Variants in LOXL1 observed in about 807,000 individuals in gnomAD.
LOXL1 encodes the protein lysyl oxidase like 1, also known as lysyl oxidase homolog 1.
In LOXL1, 31 loss-of-function variants were observed where a neutral mutation model predicts 62.2. The ratio of observed to expected loss-of-function variants is 0.50; its 90% CI spans 0.37 to 0.67. LOXL1 has a LOEUF of 0.67. LOXL1 is among the 30% of genes least tolerant of loss of function. The probability of loss-of-function intolerance (pLI) is 0.00; values close to 1 mark genes in which losing one functional copy is unlikely to be tolerated. For synonymous variants in LOXL1, 403 were observed against 384.4 expected, an observed-to-expected ratio of 1.05 and a Z score of -0.56; for missense variants, 775 against 843.4, an observed-to-expected ratio of 0.92 and a Z score of 1.00.
At chr15:73,928,554 T>C (rs2068609907) in intron 1 of LOXL1, among the ~76,000 whole-genome samples, 1 of 146,636 alleles carries the variant, frequency 6.8e-6, no homozygotes, top group Non-Finnish European at 1.5e-5. Context: ...AACACAGTAG[T>C]TGAGATGAGT....
In LOXL1 at chr15:73,927,807, C is replaced by A. The variant is rs1194900649; in HGVS notation, c.1024C>A (p.Pro342Thr). ...LPVRSSDTPP[P>T]GGERNGAQQG... ...GGTGCGCAGCTCCGACACGCCCCCG[C>A]CGGGTGGGGAGCGGAACGGCGCGCA... The change falls in exon 1 of 7, where the codon CCG becomes ACG. Residue 342 changes from proline to threonine, a missense_variant. Pro to Thr is a conservative substitution (Grantham distance 38, BLOSUM62 -1). Transcript: ENST00000261921. 8.7e-6 allele frequency: 12 copies of A among 1,372,202 alleles called. No individual in the cohort carries two copies. The highest frequency in any genetic ancestry group is 1.1e-5 in the Non-Finnish European group (12 of 1,071,558). The allele number at this position is 1,372,202 out of a possible 1,614,324, so 85.0% of individuals were successfully genotyped here.
chr15:73,938,355 A>G (rs906145181), intron 1 of LOXL1, among the ~76,000 whole-genome samples: 4 of 151,212 alleles, frequency 2.6e-5, no homozygotes, highest in South Asian at 4.2e-4. Context: ...TAGAAGGGAC[A>G]TAGAGGATGC....
At position 73,926,914 on chromosome 15, in the gene LOXL1, A is replaced by G. The variant is rs1197671288; in HGVS notation, c.131A>G (p.Gln44Arg). Residue 44 changes from glutamine to arginine, a missense_variant, in exon 1 of 7, where the codon CAG becomes CGG. Physicochemically the swap from Gln to Arg is conservative, Grantham distance 43. Transcript: ENST00000261921. ...CCCGCCCGCTGGCGGCAGCTGATCCAGTGGGAGAACAACGGGCAGGTGTAC... is the reference window on the plus strand; with the variant it reads ...CCCGCCCGCTGGCGGCAGCTGATCCGGTGGGAGAACAACGGGCAGGTGTAC... ...SDPARWRQLIQWENNGQVYSL... is the reference protein window; with the variant it reads ...SDPARWRQLIRWENNGQVYSL... The G allele has an allele frequency of 2.5e-6, 4 of 1,570,294 alleles. No individual in the cohort carries two copies. The highest frequency in any genetic ancestry group is 1.9e-5 in the Admixed American group (1 of 52,956).
intron 1 of LOXL1, among the ~76,000 whole-genome samples, chr15:73,931,664 C>T (rs1011403618): frequency 3.3e-5 from 5 of 152,168 alleles, no homozygotes; most frequent in African/African-American, 2.4e-5. Flanking sequence ...TGTCTGGACC[C>T]TCAGTCCCTG....
Position 73,927,450 on chromosome 15 carries a change from G to A in LOXL1, c.667G>A (p.Gly223Arg), listed in dbSNP as rs1172814119. ...GAGAAAVASAGVIYPYQPRAR... is the reference protein window; with the variant it reads ...GAGAAAVASARVIYPYQPRAR... ...GGGGGCGGCGGCCGTGGCCTCGGCG[G>A]GGGTCATCTACCCCTACCAGCCCCG... Residue 223 changes from glycine (G) to arginine (R), a missense_variant, in exon 1 of 7, where the codon GGG (glycine) becomes AGG (arginine). By Grantham distance (125) the Gly-to-Arg change is moderately radical. Transcript: ENST00000261921. 9 of 1,453,014 alleles carry A rather than the reference G, an allele frequency of 6.2e-6. No homozygotes were observed. Among genetic ancestry groups the A allele is most frequent in the Non-Finnish European group, 8.1e-6 (9 of 1,105,190 alleles). 90.0% of individuals were successfully genotyped at this position (1,453,014 alleles called of 1,614,324 possible).
At chr15:73,940,403 C>T (rs2087938800) in intron 1 of LOXL1, among the ~76,000 whole-genome samples, 1 of 152,132 alleles carries the variant, frequency 6.6e-6, no homozygotes, top group Non-Finnish European at 1.5e-5. Context: ...GCACTTATAA[C>T]CCTACTCCAC....
chr15:73,936,548 TTA>T (rs1297938254), intron 1 of LOXL1, among the ~76,000 whole-genome samples: 1 of 152,216 alleles, frequency 6.6e-6, no homozygotes, highest in Admixed American at 6.5e-5. Context: ...TGGACTTTGT[TTA>T]TCCTCCAGCC....
Position 73,942,885 on chromosome 15 carries a change from T to C in LOXL1, c.1134T>C (p.Tyr378=), listed in dbSNP as rs777204789. ...CTGACTTGGTCCCAGACCCCAACTA[T>C]GTGCAAGCATCCACTTATGTGCAGA... is the stretch of plus-strand genomic sequence containing the variant. ...GLPDLVPDPN[Y]VQASTYVQRA... Residue 378 remains tyrosine (Y), a synonymous_variant, in exon 2 of 7, where the codon TAT becomes TAC. Transcript: ENST00000261921. 7.4e-6 allele frequency: 12 copies of C among 1,614,020 alleles called. No homozygotes were observed. The highest frequency in any genetic ancestry group is 1.0e-5 in the Non-Finnish European group (12 of 1,179,902).
In LOXL1 at chr15:73,947,081, T is replaced by C. The variant is rs144041424; in HGVS notation, c.1364T>C (p.Met455Thr). 5 of 1,609,196 alleles carry C rather than the reference T, an allele frequency of 3.1e-6. 1 individual carries two copies. The highest frequency in any genetic ancestry group is 2.7e-5 in the African/African-American group (2 of 74,842). The change falls in exon 4 of 7, where the codon ATG (methionine) becomes ACG (threonine). Residue 455 changes from methionine to threonine, a missense_variant. Physicochemically the swap from Met to Thr is moderately conservative, Grantham distance 81. Coordinates refer to ENST00000261921, the MANE Select transcript of LOXL1 (RefSeq NM_005576.4). ...WHSCHQHYHS[M>T]DEFSHYDLLD... ...TCTGCCCCTAGGCATTACCACAGCATGGACGAGTTCAGCCACTACGACCTA... is the reference window on the plus strand; with the variant it reads ...TCTGCCCCTAGGCATTACCACAGCACGGACGAGTTCAGCCACTACGACCTA...
chr15:73,930,087 G>A lies in LOXL1; in HGVS notation c.1102+2202G>A, dbSNP rs1448771055. 2.0e-5 allele frequency among the ~76,000 whole-genome samples: 3 copies of A among 152,220 alleles called. No individual in the cohort carries two copies. Among genetic ancestry groups the A allele is most frequent in the African/African-American group, 7.2e-5 (3 of 41,448 alleles). ...CAAAAACATTTCTCCCCTGAAGGTA[G>A]CATCCTAGGTGCCAAGCTGAGTGTA... is the stretch of plus-strand genomic sequence containing the variant. On this transcript the variant is annotated intron_variant, in intron 1 of 6. Transcript: ENST00000261921. The surrounding 1 kb of genome is among the most constrained non-coding windows in gnomAD (Gnocchi z 4.7).
chr15:73,951,778 C>T, intron 6 of LOXL1, 53 bp from the exon 7 acceptor site: 1 of 1,489,150 alleles, frequency 6.7e-7, no homozygotes. Context: ...CTGAGGAGGC[C>T]ACGGGGGCCT....
intron 1 of LOXL1, chr15:73,928,176 C>G: frequency 2.8e-6 from 1 of 359,218 alleles, no homozygotes; most frequent in South Asian, 1.4e-4. Context: ...GGAGGAGGCT[C>G]GCCTTCTGCA....
chr15:73,935,693 G>A (rs370978776), intron 1 of LOXL1, among the ~76,000 whole-genome samples: 10 of 152,156 alleles, frequency 6.6e-5, no homozygotes, highest in South Asian at 6.2e-4. Flanking sequence ...GCTGACCTCC[G>A]CATTGGTTAG....
rs1339221856 is a variant in LOXL1, at chr15:73,946,498, A to G, written c.1293A>G (p.Thr431=). 1.2e-6 allele frequency: 2 copies of G among 1,611,852 alleles called. No homozygotes were observed. Among genetic ancestry groups the G allele is most frequent in the Non-Finnish European group, 1.7e-6 (2 of 1,179,176 alleles). Residue 431 remains threonine, a synonymous_variant, in exon 3 of 7, where the codon ACA becomes ACG. Transcript: ENST00000261921. ...RFPQRVKNQG[T]ADFLPNRPRH... is the part of the protein sequence containing the mutation. ...CCCAGCGCGTGAAGAACCAGGGCAC[A>G]GCAGACTTCCTCCCCAACCGGCCAC... is the stretch of plus-strand genomic sequence containing the variant.
intron 4 of LOXL1, 36 bp downstream of exon 4, chr15:73,947,259 G>A: frequency 6.4e-7 from 1 of 1,567,674 alleles, no homozygotes; most frequent in Non-Finnish European, 8.7e-7. Flanking sequence ...GGCATGGGAG[G>A]ATAAGGAGTT....
chr15:73,931,630 C>G (rs997251969), intron 1 of LOXL1, among the ~76,000 whole-genome samples: 2 of 152,172 alleles, frequency 1.3e-5, no homozygotes, highest in African/African-American at 4.8e-5. Context: ...TCTGTCCAGC[C>G]TCCTGCACCC....
chr15:73,937,184 T>C (rs778534569), intron 1 of LOXL1, among the ~76,000 whole-genome samples: 37 of 152,310 alleles, frequency 2.4e-4, no homozygotes, highest in Non-Finnish European at 4.3e-4. Flanking sequence ...AGACCCAGCA[T>C]TGAGCAGGAG....
intron 1 of LOXL1, among the ~76,000 whole-genome samples, chr15:73,932,247 T>A (rs1280402217): frequency 6.6e-6 from 1 of 152,184 alleles, no homozygotes; most frequent in African/African-American, 2.4e-5. Context: ...ATACATCATC[T>A]CCTTTAATTC....
At chr15:73,940,200 CAG>C (rs1261117318) in intron 1 of LOXL1, among the ~76,000 whole-genome samples, 1 of 152,126 alleles carries the variant, frequency 6.6e-6, no homozygotes, top group Non-Finnish European at 1.5e-5. Context: ...TCATTGCAAT[CAG>C]GGGAGACTTC....
Sources: allele counts gnomAD v4.1 joint callset (sites outside exome capture counted in the v4.1 genomes callset), GRCh38; gene constraint gnomAD v4.1.1; non-coding constraint Gnocchi (gnomAD v3.1); transcripts MANE v1.5; gene names NCBI Gene and HGNC (gene_info 2026-07-23, HGNC 2026-07-21).